CPSF6: variants seen among roughly 807,000 people sequenced by gnomAD.
CPSF6 encodes cleavage and polyadenylation specific factor 6, also known as cleavage and polyadenylation specificity factor subunit 6.
A neutral mutation model predicts 56.7 loss-of-function variants in CPSF6; 10 were observed. The ratio of observed to expected loss-of-function variants is 0.18; its 90% CI spans 0.11 to 0.30. CPSF6 has a LOEUF of 0.30. Ranked by LOEUF, CPSF6 falls within the 10% of genes least tolerant of loss-of-function variation. The pLI is 1.00. For synonymous variants in CPSF6, 248 were observed against 244.8 expected (o/e 1.01, Z -0.12); for missense variants, 419 against 722.9 (o/e 0.58, Z 4.82).
chr12:69,272,960 G>T lies in CPSF6; in HGVS notation c.*3452G>T. ...GTGTATTTATTTTTTTAAGCAACTT[G>T]ACTCTTAGAAGCCTTAGACTGATTT... On this transcript the variant is annotated 3_prime_UTR_variant, in exon 10 of 10. Coordinates refer to ENST00000435070, the MANE Select transcript of CPSF6 (RefSeq NM_007007.3). The T allele has an allele frequency of 4.7e-6, 1 of 213,656 alleles. No homozygotes were observed. The highest frequency in any genetic ancestry group is 6.2e-5 in the South Asian group (1 of 16,074). 13.2% of individuals were successfully genotyped at this position (213,656 alleles called of 1,614,324 possible).
intron 1 of CPSF6, among the ~76,000 whole-genome samples, chr12:69,250,613 AAAAG>A (rs1442631231): frequency 1.5e-4 from 7 of 47,528 alleles, no homozygotes; most frequent in African/African-American, 3.3e-4. Context: ...AAAAAGAAAA[AAAAG>A]AAAAGAAATA....
intron 1 of CPSF6, among the ~76,000 whole-genome samples, chr12:69,246,383 G>C (rs1241232574): frequency 6.6e-6 from 1 of 152,196 alleles, no homozygotes; most frequent in Non-Finnish European, 1.5e-5. Context: ...AGGTAGAATT[G>C]ATTCAGAAAA....
Position 69,239,641 on chromosome 12 carries a change from A to G in CPSF6, c.-6A>G, listed in dbSNP as rs1871490266. The G allele has an allele frequency of 5.1e-6, 8 of 1,573,988 alleles. No homozygotes were observed. The East Asian group carries it at 2.0e-4, about 39-fold the overall frequency. ...CGGCGGCGGCGGCGGCCGAGGCTGA[A>G]GGAAGATGGCGGACGGCGTGGACCA... On this transcript the variant is annotated 5_prime_UTR_variant, in exon 1 of 10. Transcript: ENST00000435070.
intron 9 of CPSF6, among the ~76,000 whole-genome samples, chr12:69,266,754 A>G (rs1873006482): frequency 6.6e-6 from 1 of 152,182 alleles, no homozygotes; most frequent in Non-Finnish European, 1.5e-5. Flanking sequence ...TCTTTTGGGA[A>G]CAAACCTCAT....
At chr12:69,247,369 G>GTT (rs77776712) in intron 1 of CPSF6, among the ~76,000 whole-genome samples, 1,606 of 142,076 alleles carry the variant, frequency 0.011, 36 homozygotes, top group Admixed American at 0.052. Context: ...AAATTAGTGA[G>GTT]TTTTTTTTTT....
chr12:69,261,487 C>G (rs1421715085), intron 8 of CPSF6, among the ~76,000 whole-genome samples: 1 of 149,872 alleles, frequency 6.7e-6, no homozygotes, highest in African/African-American at 2.5e-5. Flanking sequence ...GTTGCTTGAG[C>G]CTCAGAGGTC....
rs748290105 is a variant in CPSF6 at position 69,258,568 on chromosome 12, C to G, written c.695-22C>G. The stretch of plus-strand genomic sequence containing the variant: ...TTATTAGTGAAGTGTTTTTTTTTCT[C>G]TCTTTCTCCTTTGTTTTTTAGCTGG... On this transcript the variant is annotated intron_variant, in intron 5 of 9. Coordinates refer to ENST00000435070, the MANE Select transcript of CPSF6 (RefSeq NM_007007.3). The surrounding 1 kb of genome is among the most constrained non-coding windows in gnomAD (Gnocchi z 4.2). 2 of 1,513,178 alleles carry G rather than the reference C, an allele frequency of 1.3e-6. No individual in the cohort carries two copies. Among genetic ancestry groups the G allele is most frequent in the Non-Finnish European group, 8.9e-7 (1 of 1,128,570 alleles). 93.7% of individuals were successfully genotyped at this position (1,513,178 alleles called of 1,614,324 possible). A position where few individuals can be genotyped will look rare whatever the true frequency, so the allele number is the denominator to read the frequency against.
At chr12:69,240,285 T>C (rs1316300436) in intron 1 of CPSF6, among the ~76,000 whole-genome samples, 2 of 151,984 alleles carry the variant, frequency 1.3e-5, no homozygotes, top group African/African-American at 4.8e-5. Flanking sequence ...GGGCTCTCCT[T>C]CTCGGGTTTG....
At chr12:69,268,407 G>A (rs559126654) in intron 9 of CPSF6, among the ~76,000 whole-genome samples, 1 of 151,688 alleles carries the variant, frequency 6.6e-6, no homozygotes, top group African/African-American at 2.4e-5. Context: ...ATGCATATAT[G>A]TACTGATGCT....
chr12:69,239,823 C>A, intron 1 of CPSF6, 117 bp downstream of exon 1: 1 of 889,710 alleles, frequency 1.1e-6, no homozygotes, highest in South Asian at 5.4e-5. Flanking sequence ...CCCTTGCCGC[C>A]TCTGGGCCGC....
At position 69,239,615 on chromosome 12, in the gene CPSF6, G is replaced by A. The variant is rs1185104032; in HGVS notation, c.-32G>A. 6.5e-7 allele frequency: 1 copy of A among 1,541,518 alleles called. No homozygotes were observed. Among genetic ancestry groups the A allele is most frequent in the East Asian group, 2.7e-5 (1 of 37,330 alleles). On this transcript the variant is annotated 5_prime_UTR_variant, in exon 1 of 10. Transcript: ENST00000435070. The stretch of plus-strand genomic sequence containing the variant: ...GCGGCGGGCAGACCTGCAGGAGGCG[G>A]CGGCGGCGGCGGCGGCCGAGGCTGA...
chr12:69,248,609 CTTTG>C (rs1479075364), intron 1 of CPSF6, among the ~76,000 whole-genome samples: 1 of 152,138 alleles, frequency 6.6e-6, no homozygotes, highest in African/African-American at 2.4e-5. Flanking sequence ...GAGCATGTTA[CTTTG>C]TTTAACAAAA....
At chr12:69,244,181 G>A (rs1384539945) in intron 1 of CPSF6, among the ~76,000 whole-genome samples, 3 of 152,132 alleles carry the variant, frequency 2.0e-5, no homozygotes, top group Non-Finnish European at 4.4e-5. Flanking sequence ...AACACATTGT[G>A]TAACTATATA....
Position 69,273,541 on chromosome 12 carries a change from A to G in CPSF6, c.*4033A>G, listed in dbSNP as rs1238023069. The G allele has an allele frequency of 6.6e-6, 1 of 152,654 alleles. No individual in the cohort carries two copies. The highest frequency in any genetic ancestry group is 1.5e-5 in the Non-Finnish European group (1 of 68,312). 9.5% of individuals were successfully genotyped at this position (152,654 alleles called of 1,614,324 possible). A position where few individuals can be genotyped will look rare whatever the true frequency, so the allele number is the denominator to read the frequency against. On this transcript the variant is annotated 3_prime_UTR_variant, in exon 10 of 10. Transcript: ENST00000435070. ...TCCTAAAACTCTGCCATGGGTGTAA[A>G]TGTTTTACATTAATTTCATAATTGG...
At chr12:69,239,932 A>ACGCGGGCCGCTGTGCAGCTGC (rs1337363380) in intron 1 of CPSF6, among the ~76,000 whole-genome samples, 1 of 149,160 alleles carries the variant, frequency 6.7e-6, no homozygotes, top group Non-Finnish European at 1.5e-5. Flanking sequence ...CGGAGCGCGG[A>ACGCGGGCCGCTGTGCAGCTGC]CGCGGGCCGC....
intron 9 of CPSF6, among the ~76,000 whole-genome samples, chr12:69,268,404 T>A (rs1456658594): frequency 6.6e-6 from 1 of 151,766 alleles, no homozygotes; most frequent in African/African-American, 2.4e-5. Flanking sequence ...TGAATGCATA[T>A]ATGTACTGAT....
chr12:69,259,171 A>G, intron 6 of CPSF6, 77 bp downstream of exon 6: 1 of 1,446,422 alleles, frequency 6.9e-7, no homozygotes, highest in South Asian at 1.4e-5. Context: ...GATTGTAGGT[A>G]TATAAATATG....
chr12:69,260,260 T>C (rs1426148367), intron 8 of CPSF6, 63 bp downstream of exon 8: 7 of 1,272,802 alleles, frequency 5.5e-6, no homozygotes. Flanking sequence ...GAAAAAATAC[T>C]GTGAGACTTT....
At chr12:69,249,282 TAAA>T (rs1565644193) in intron 1 of CPSF6, among the ~76,000 whole-genome samples, 2 of 148,026 alleles carry the variant, frequency 1.4e-5, no homozygotes, top group African/African-American at 5.0e-5. Context: ...AAAAAATAAA[TAAA>T]TAAAAATTAA....
Sources: gnomAD v4.1 joint callset for allele counts (sites outside exome capture counted in the v4.1 genomes callset) on GRCh38, gnomAD v4.1.1 for gene constraint, Gnocchi (gnomAD v3.1) non-coding constraint, MANE v1.5 for transcripts, NCBI Gene and HGNC (gene_info 2026-07-23, HGNC 2026-07-21) for gene names.